The following PTPRD variants were observed in gnomAD, a reference collection of about 807,000 sequenced individuals.
The protein encoded by PTPRD is protein tyrosine phosphatase receptor type D.
A neutral mutation model predicts 214.5 loss-of-function variants in PTPRD; 34 were observed. That is an observed-to-expected ratio of 0.16 (90% CI 0.12 to 0.21). PTPRD has a LOEUF of 0.21. Ranked by LOEUF, PTPRD falls within the 10% of genes least tolerant of loss-of-function variation. The pLI, the probability that PTPRD is intolerant of heterozygous loss-of-function variation, is 1.00. For missense variants in PTPRD, 2,545 were observed against 2,398.7 expected, an observed-to-expected ratio of 1.06 and a Z score of -1.27; for synonymous variants, 1,128 against 845.7, an observed-to-expected ratio of 1.33 and a Z score of -5.79.
chr9:9,925,792 T>C (rs1156616048), intron 5 of PTPRD, among the ~76,000 whole-genome samples: 1 of 152,100 alleles, frequency 6.6e-6, no homozygotes, highest in Non-Finnish European at 1.5e-5. Flanking sequence ...TGATGACTTG[T>C]GAGAAAGAAT....
chr9:8,373,493 A>C (rs976654513), intron 39 of PTPRD, among the ~76,000 whole-genome samples: 11 of 151,954 alleles, frequency 7.2e-5, no homozygotes, highest in African/African-American at 2.7e-4. Context: ...CCTCAGGCAC[A>C]GCACTTCCAA....
intron 3 of PTPRD, among the ~76,000 whole-genome samples, chr9:10,174,580 G>T (rs1030896867): frequency 3.3e-5 from 5 of 151,108 alleles, no homozygotes; most frequent in Admixed American, 6.6e-5. Flanking sequence ...ATACATCAAC[G>T]AAAGATTTTT....
rs142458126 is a variant in PTPRD, at chr9:10,286,382, C to A, written c.-545+54581G>T. Among the ~76,000 whole-genome samples, 297 of 152,054 alleles carry A rather than the reference C, an allele frequency of 2.0e-3. 8 individuals carry two copies. In the East Asian group the frequency reaches 0.053, roughly 27 times the overall value. ...GCTTGAGCCCAGAAGGCAGAGATTG[C>A]AGTGAGCCATAATTGTGTCATGGCA... On this transcript the variant is annotated intron_variant, in intron 3 of 45. Transcript: ENST00000381196.
intron 14 of PTPRD, among the ~76,000 whole-genome samples, chr9:8,622,743 T>C (rs1450372599): frequency 6.6e-6 from 1 of 150,804 alleles, no homozygotes; most frequent in African/African-American, 2.5e-5. Flanking sequence ...AAGCAACATC[T>C]CCTGACATTT....
At chr9:9,699,767 G>T (rs1196552184) in intron 7 of PTPRD, among the ~76,000 whole-genome samples, 1 of 152,102 alleles carries the variant, frequency 6.6e-6, no homozygotes, top group East Asian at 1.9e-4. Flanking sequence ...AATTAGAACT[G>T]GAAGCAAGAA....
chr9:9,472,257 G>A (rs1031796765), intron 8 of PTPRD, among the ~76,000 whole-genome samples: 14 of 133,244 alleles, frequency 1.1e-4, no homozygotes, highest in Non-Finnish European at 9.3e-5. Flanking sequence ...ACTGCGGACC[G>A]CAGTGGCGCA....
At chr9:10,257,544 G>C (rs1388216738) in intron 3 of PTPRD, among the ~76,000 whole-genome samples, 1 of 152,206 alleles carries the variant, frequency 6.6e-6, no homozygotes, top group African/African-American at 2.4e-5. Flanking sequence ...GAATATCACA[G>C]AATATTACAA....
At chr9:8,796,080 T>C (rs1286348036) in intron 11 of PTPRD, among the ~76,000 whole-genome samples, 2 of 152,196 alleles carry the variant, frequency 1.3e-5, no homozygotes, top group African/African-American at 4.8e-5. Context: ...AGTTAAGCCT[T>C]TCCAAATAAT....
intron 5 of PTPRD, among the ~76,000 whole-genome samples, chr9:9,922,249 G>T (rs1260472217): frequency 6.6e-6 from 1 of 152,054 alleles, no homozygotes; most frequent in African/African-American, 2.4e-5. Context: ...TCTACAGTGG[G>T]CAATTACCTC....
intron 14 of PTPRD, among the ~76,000 whole-genome samples, chr9:8,596,213 T>C (rs1488452863): frequency 2.6e-5 from 4 of 152,070 alleles, no homozygotes; most frequent in East Asian, 3.8e-4. Context: ...TGAATTATCT[T>C]AATATGAAAA....
At chr9:9,594,822 C>T (rs554811458) in intron 7 of PTPRD, among the ~76,000 whole-genome samples, 9 of 152,166 alleles carry the variant, frequency 5.9e-5, no homozygotes, top group African/African-American at 1.9e-4. Context: ...AAAATCTTCA[C>T]AATCTGTACA....
rs189667413 is a variant in PTPRD at position 9,762,188 on chromosome 9, C to T, written c.-326+4622G>A. 3.8e-4 allele frequency among the ~76,000 whole-genome samples: 58 copies of T among 152,270 alleles called. 1 individual carries two copies. In the East Asian group the frequency reaches 6.4e-3, roughly 17 times the overall value. ...TGGCAGTAGCCCTGATAACTTCCCT[C>T]TTGGAAGAATAGTGAATGTTTGCAG... On this transcript the variant is annotated intron_variant, in intron 6 of 45. Transcript: ENST00000381196.
At chr9:8,383,358 T>A (rs2085805348) in intron 37 of PTPRD, among the ~76,000 whole-genome samples, 1 of 152,114 alleles carries the variant, frequency 6.6e-6, no homozygotes, top group Non-Finnish European at 1.5e-5. Flanking sequence ...CAGCCAAATG[T>A]CAAGTTCCCT....
chr9:8,366,814 A>G (rs911198105), intron 39 of PTPRD, among the ~76,000 whole-genome samples: 7 of 152,228 alleles, frequency 4.6e-5, no homozygotes, highest in Admixed American at 2.6e-4. Context: ...AAGCAATGTG[A>G]CTAATATCAT....
At chr9:10,344,275 T>A (rs983072667) in intron 2 of PTPRD, among the ~76,000 whole-genome samples, 5 of 152,128 alleles carry the variant, frequency 3.3e-5, no homozygotes, top group Admixed American at 2.0e-4. Flanking sequence ...GCACCATTTA[T>A]TGAATAGAGA....
At chr9:8,637,443 AAAG>A (rs1387318405) in intron 12 of PTPRD, among the ~76,000 whole-genome samples, 1 of 152,194 alleles carries the variant, frequency 6.6e-6, no homozygotes, top group Non-Finnish European at 1.5e-5. Flanking sequence ...AATTTGCATA[AAAG>A]AAGATGAGTC....
At chr9:10,314,066 T>C (rs1241387154) in intron 3 of PTPRD, among the ~76,000 whole-genome samples, 1 of 151,956 alleles carries the variant, frequency 6.6e-6, no homozygotes, top group East Asian at 1.9e-4. Context: ...TTTAAAATAA[T>C]TTTTTCATTA....
Position 8,810,954 on chromosome 9 carries a change from A to G in PTPRD, c.-103-77008T>C, listed in dbSNP as rs186433864. On this transcript the variant is annotated intron_variant, in intron 11 of 45. Transcript: ENST00000381196. Reference sequence around the variant, plus strand: ...GGCATTAATTCCACTACACTTTCCAACTGTACCTGCTGAAGTGCTGACTGA... The same window carrying G: ...GGCATTAATTCCACTACACTTTCCAGCTGTACCTGCTGAAGTGCTGACTGA... Among the ~76,000 whole-genome samples the G allele has an allele frequency of 4.2e-4, 64 of 152,208 alleles. 1 individual carries two copies. Among genetic ancestry groups the G allele is most frequent in the Admixed American group, 3.7e-3 (57 of 15,296 alleles).
chr9:10,432,848 G>A (rs951925368), intron 2 of PTPRD, among the ~76,000 whole-genome samples: 1 of 151,918 alleles, frequency 6.6e-6, no homozygotes, highest in Non-Finnish European at 1.5e-5. Context: ...TCCCGAGGAT[G>A]ACAGGTTGTT....
Sources: gnomAD v4.1 joint callset for allele counts (sites outside exome capture counted in the v4.1 genomes callset) on GRCh38, gnomAD v4.1.1 for gene constraint, MANE v1.5 for transcripts, NCBI Gene and HGNC (gene_info 2026-07-23, HGNC 2026-07-21) for gene names.